Variants in FRMPD4 observed in about 807,000 individuals in gnomAD.
FRMPD4 encodes FERM and PDZ domain-containing protein 4.
FRMPD4 carries 22 observed loss-of-function variants against 94.1 expected under a neutral mutation model. The ratio of observed to expected loss-of-function variants is 0.23; its 90% confidence interval spans 0.17 to 0.33. FRMPD4 has a LOEUF of 0.33. FRMPD4 is among the 10% of genes least tolerant of loss of function. FRMPD4 has a pLI of 1.00. For missense variants in FRMPD4, 1,111 were observed against 1,339.9 expected (o/e 0.83, Z 2.67); for synonymous variants, 631 against 548.6 (o/e 1.15, Z -2.10).
intron 3 of FRMPD4, among the ~76,000 whole-genome samples, chrX:12,061,313 T>A (rs1297507065): frequency 8.9e-6 from 1 of 112,103 alleles, no homozygotes; most frequent in East Asian, 2.8e-4. Flanking sequence ...GAAGTTACCC[T>A]TACAAATGGG....
chrX:11,948,228 C>G (rs1234836532), intron 3 of FRMPD4, among the ~76,000 whole-genome samples: 1 of 111,115 alleles, frequency 9.0e-6, no homozygotes, highest in Non-Finnish European at 1.9e-5. Context: ...TGCCTCCCTC[C>G]CCTAATTCAG....
At chrX:12,256,303 G>T (rs1167719708) in intron 1 of FRMPD4, among the ~76,000 whole-genome samples, 1 of 111,949 alleles carries the variant, frequency 8.9e-6, no homozygotes. Flanking sequence ...ACAAACAGGA[G>T]AAGACAGTAG....
intron 3 of FRMPD4, among the ~76,000 whole-genome samples, chrX:12,052,132 A>G (rs1231411446): frequency 8.9e-6 from 1 of 111,975 alleles, no homozygotes; most frequent in East Asian, 2.8e-4. Flanking sequence ...AATAAGGTCC[A>G]ATGGCATTCG....
intron 1 of FRMPD4, among the ~76,000 whole-genome samples, chrX:12,166,283 G>A (rs2056116457): frequency 8.9e-6 from 1 of 111,908 alleles, no homozygotes; most frequent in Admixed American, 9.5e-5. Flanking sequence ...TTTGTCAAAG[G>A]CCTTTTCTGC....
At chrX:12,219,307 TACAGTGAGCCATGTTCACA>T (rs2147754488) in intron 1 of FRMPD4, among the ~76,000 whole-genome samples, 1 of 111,104 alleles carries the variant, frequency 9.0e-6, no homozygotes, top group East Asian at 2.8e-4. Context: ...AGGCCAAGGC[TACAGTGAGCCATGTTCACA>T]CCGTCGCACC....
intron 4 of FRMPD4, among the ~76,000 whole-genome samples, chrX:12,638,830 C>T (rs1440555279): frequency 9.0e-6 from 1 of 111,171 alleles, no homozygotes; most frequent in Non-Finnish European, 1.9e-5. Context: ...ACGAGTGCTA[C>T]CTGTCTCCCA....
chrX:12,566,315 C>G (rs2058711702), intron 2 of FRMPD4, among the ~76,000 whole-genome samples: 1 of 111,540 alleles, frequency 9.0e-6, no homozygotes, highest in Non-Finnish European at 1.9e-5. Context: ...CCTAGACCAC[C>G]CCTAGACTCT....
chrX:12,113,991 A>G (rs1269204109), intron 3 of FRMPD4, among the ~76,000 whole-genome samples: 3 of 112,047 alleles, frequency 2.7e-5, no homozygotes, highest in Non-Finnish European at 5.6e-5. Context: ...AATTATGAAC[A>G]TAACTTTAAG....
At chrX:12,705,299 G>A (rs1271792872) in intron 11 of FRMPD4, among the ~76,000 whole-genome samples, 1 of 111,691 alleles carries the variant, frequency 9.0e-6, no homozygotes. Flanking sequence ...AAAAAGCAAA[G>A]GATTCCAGGA....
chrX:12,379,321 T>C (rs2056286917), intron 1 of FRMPD4, among the ~76,000 whole-genome samples: 1 of 112,212 alleles, frequency 8.9e-6, no homozygotes, highest in Non-Finnish European at 1.9e-5. Flanking sequence ...CTTGTCCACC[T>C]CTTTGAGCTC....
At chrX:12,373,643 CAAAG>C (rs1003193690) in intron 1 of FRMPD4, among the ~76,000 whole-genome samples, 1 of 112,111 alleles carries the variant, frequency 8.9e-6, no homozygotes, top group African/African-American at 3.2e-5. Flanking sequence ...CCCAACTAAA[CAAAG>C]AAAGAAGCCA....
At chrX:12,705,527 G>A (rs749695753) in intron 11 of FRMPD4, among the ~76,000 whole-genome samples, 1 of 100,544 alleles carries the variant, frequency 9.9e-6, no homozygotes, top group Non-Finnish European at 1.9e-5. Flanking sequence ...CTCACCCCAC[G>A]ACAATTTTTT....
At chrX:12,694,680 A>G (rs1298276839) in intron 9 of FRMPD4, among the ~76,000 whole-genome samples, 1 of 112,225 alleles carries the variant, frequency 8.9e-6, no homozygotes, top group African/African-American at 3.2e-5. Context: ...CCCTTCACCC[A>G]GATTCACCAG....
chrX:12,655,812 C>T (rs2059648918), intron 4 of FRMPD4, among the ~76,000 whole-genome samples: 1 of 111,788 alleles, frequency 8.9e-6, no homozygotes, highest in Non-Finnish European at 1.9e-5. Flanking sequence ...AACGAATTAC[C>T]CCTTTCCTTT....
chrX:12,623,941 G>A (rs1307441266), intron 4 of FRMPD4, among the ~76,000 whole-genome samples: 1 of 112,078 alleles, frequency 8.9e-6, no homozygotes, highest in Non-Finnish European at 1.9e-5. Flanking sequence ...CTATTTGGGA[G>A]GCTGAGGCTA....
At chrX:12,351,800 G>C (rs1006112425) in intron 1 of FRMPD4, among the ~76,000 whole-genome samples, 1 of 112,662 alleles carries the variant, frequency 8.9e-6, no homozygotes, top group Non-Finnish European at 1.9e-5. Context: ...GTGTTTGTGA[G>C]TTTCATCAAT....
At chrX:11,971,806 C>A (rs62589927) in intron 3 of FRMPD4, among the ~76,000 whole-genome samples, 1 of 112,301 alleles carries the variant, frequency 8.9e-6, no homozygotes, top group Non-Finnish European at 1.9e-5. Context: ...GAGATAAAAA[C>A]GCCAATAATT....
intron 1 of FRMPD4, among the ~76,000 whole-genome samples, chrX:12,150,237 A>C (rs1393054805): frequency 1.8e-5 from 2 of 112,202 alleles, no homozygotes; most frequent in Admixed American, 9.4e-5. Context: ...ACCATACTGT[A>C]TTCCACATGA....
chrX:12,385,576 G>A (rs1026328031), intron 1 of FRMPD4, among the ~76,000 whole-genome samples: 3 of 112,232 alleles, frequency 2.7e-5, no homozygotes, highest in African/African-American at 6.5e-5. Flanking sequence ...AATCATTCCC[G>A]AGTGGAAACG....
Sources: gnomAD v4.1 joint callset for allele counts (sites outside exome capture counted in the v4.1 genomes callset) on GRCh38, gnomAD v4.1.1 for gene constraint, MANE v1.5 for transcripts, NCBI Gene and HGNC (gene_info 2026-07-23, HGNC 2026-07-21) for gene names.